Variants in PIGL observed in about 807,000 individuals in gnomAD.
PIGL encodes the protein N-acetylglucosaminyl-phosphatidylinositol de-N-acetylase.
PIGL carries 22 observed loss-of-function variants against 31.1 expected under a neutral mutation model. That is an observed-to-expected ratio of 0.71 (90% confidence interval 0.51 to 1.01). The LOEUF is 1.01. Among genes scored for constraint, PIGL ranks in the 50% least tolerant of loss-of-function variants. The pLI, the probability that PIGL is intolerant of heterozygous loss-of-function variation, is 0.00. For synonymous variants in PIGL, 131 were observed against 117.4 expected, an observed-to-expected ratio of 1.12 and a Z score of -0.75; for missense variants, 302 against 315.9, an observed-to-expected ratio of 0.96 and a Z score of 0.33.
chr17:16,290,332 C>T (rs1379846728), intron 2 of PIGL, among the ~76,000 whole-genome samples: 1 of 151,862 alleles, frequency 6.6e-6, no homozygotes, highest in Non-Finnish European at 1.5e-5. Context: ...ATCCACCCTC[C>T]TGGGATTACA....
chr17:16,245,448 G>C (rs549903316), intron 2 of PIGL, among the ~76,000 whole-genome samples: 1 of 151,762 alleles, frequency 6.6e-6, no homozygotes, highest in East Asian at 1.9e-4. Context: ...TTTTACTTAT[G>C]ATATTTTCAG....
At chr17:16,315,708 C>CTTTTTTTTTTTTTTT (rs1157169209) in intron 4 of PIGL, among the ~76,000 whole-genome samples, 5 of 58,990 alleles carry the variant, frequency 8.5e-5, no homozygotes, top group Admixed American at 2.8e-4. Context: ...TTCTTTCTTT[C>CTTTTTTTTTTTTTTT]TTTTTTTTTT....
intron 3 of PIGL, among the ~76,000 whole-genome samples, chr17:16,310,640 G>C (rs556701023): frequency 6.6e-6 from 1 of 152,026 alleles, no homozygotes; most frequent in African/African-American, 2.4e-5. Flanking sequence ...GGGTTCAGGC[G>C]ATTCTCCTGC....
chr17:16,226,387 C>T (rs2092652511), intron 1 of PIGL, among the ~76,000 whole-genome samples: 1 of 152,176 alleles, frequency 6.6e-6, no homozygotes, highest in Non-Finnish European at 1.5e-5. Flanking sequence ...TGGGCTTCCT[C>T]ACAACCTGGT....
In PIGL at chr17:16,234,124, A is replaced by T. The variant is rs1291786181; in HGVS notation, c.335+54A>T. On this transcript the variant is annotated intron_variant, in intron 2 of 6. Transcript: ENST00000225609. The stretch of plus-strand genomic sequence containing the variant: ...TTATTGGCAATAAATATGCAGTGAT[A>T]TACTCAAAAGACACACAAAAAACTA... The T allele has an allele frequency of 1.1e-5, 11 of 1,016,960 alleles. No individual in the cohort carries two copies. The East Asian group carries it at 2.6e-4, about 24-fold the overall frequency. 63.0% of individuals were successfully genotyped at this position (1,016,960 alleles called of 1,614,324 possible). A position where few individuals can be genotyped will look rare whatever the true frequency, so the allele number is the denominator to read the frequency against.
intron 2 of PIGL, among the ~76,000 whole-genome samples, chr17:16,250,525 G>C (rs1377548368): frequency 6.6e-6 from 1 of 152,058 alleles, no homozygotes; most frequent in Non-Finnish European, 1.5e-5. Context: ...ATAGCAACAC[G>C]CAACAGTCAG....
At chr17:16,219,648 A>G (rs1174265174) in intron 1 of PIGL, among the ~76,000 whole-genome samples, 2 of 152,026 alleles carry the variant, frequency 1.3e-5, no homozygotes, top group Non-Finnish European at 2.9e-5. Flanking sequence ...GTTCACTGCA[A>G]CCTACGCCTC....
chr17:16,322,192 C>G (rs9893005), intron 6 of PIGL, among the ~76,000 whole-genome samples: 64,161 of 151,862 alleles, frequency 0.42, 14,185 homozygotes, highest in East Asian at 0.75. Context: ...CTCCTGGGTT[C>G]AAGCAATTCT....
chr17:16,280,936 CT>C (rs1447733242), intron 2 of PIGL, among the ~76,000 whole-genome samples: 2 of 152,074 alleles, frequency 1.3e-5, no homozygotes, highest in African/African-American at 4.8e-5. Flanking sequence ...AACTCCTGAC[CT>C]TGTGATCCAC....
chr17:16,290,686 GA>G (rs958903048), intron 2 of PIGL, among the ~76,000 whole-genome samples: 1 of 151,926 alleles, frequency 6.6e-6, no homozygotes. Context: ...GCCCAGCCCA[GA>G]CTTTTTTGTT....
intron 3 of PIGL, among the ~76,000 whole-genome samples, chr17:16,304,702 C>T (rs2093019541): frequency 6.6e-6 from 1 of 152,158 alleles, no homozygotes; most frequent in East Asian, 1.9e-4. Context: ...GTTAAGCAGG[C>T]TAGGTCCTGG....
At chr17:16,233,518 A>G (rs1196792926) in intron 1 of PIGL, among the ~76,000 whole-genome samples, 1 of 152,012 alleles carries the variant, frequency 6.6e-6, no homozygotes, top group Admixed American at 6.6e-5. Context: ...AGCAACCTCT[A>G]TTTTCTTTTT....
At chr17:16,318,793 T>G (rs572906491) in intron 6 of PIGL, among the ~76,000 whole-genome samples, 39 of 151,918 alleles carry the variant, frequency 2.6e-4, no homozygotes, top group Non-Finnish European at 4.7e-4. Flanking sequence ...TAGCCAGGCG[T>G]GGTGGCATGC....
intron 1 of PIGL, among the ~76,000 whole-genome samples, chr17:16,229,023 C>T (rs7214301): frequency 1.3e-5 from 2 of 152,116 alleles, no homozygotes; most frequent in Non-Finnish European, 2.9e-5. Flanking sequence ...GTAATCCCAG[C>T]ACTTTGGGAG....
intron 2 of PIGL, among the ~76,000 whole-genome samples, chr17:16,289,039 C>T (rs906745588): frequency 2.0e-5 from 3 of 152,090 alleles, no homozygotes; most frequent in Non-Finnish European, 2.9e-5. Flanking sequence ...GTGCAAGGTA[C>T]AACCTTACCG....
At chr17:16,288,198 T>G (rs1284578915) in intron 2 of PIGL, among the ~76,000 whole-genome samples, 1 of 152,134 alleles carries the variant, frequency 6.6e-6, no homozygotes, top group Non-Finnish European at 1.5e-5. Flanking sequence ...CCTTCCTTCC[T>G]TCCTTTCTTT....
chr17:16,308,934 G>A (rs146575046), intron 3 of PIGL, among the ~76,000 whole-genome samples: 5 of 151,806 alleles, frequency 3.3e-5, no homozygotes, highest in South Asian at 2.1e-4. Context: ...CTACAGGCAC[G>A]TGCCACCGGG....
At chr17:16,266,660 A>T (rs912315808) in intron 2 of PIGL, among the ~76,000 whole-genome samples, 1 of 151,306 alleles carries the variant, frequency 6.6e-6, no homozygotes, top group African/African-American at 2.4e-5. Context: ...CAGTGGCGCT[A>T]TCTCGGCTCA....
At chr17:16,259,112 A>G (rs1189955025) in intron 2 of PIGL, among the ~76,000 whole-genome samples, 1 of 152,190 alleles carries the variant, frequency 6.6e-6, no homozygotes, top group Non-Finnish European at 1.5e-5. Context: ...TGCTACATCT[A>G]CTAGTTTGGT....
Sources: allele counts gnomAD v4.1 joint callset (sites outside exome capture counted in the v4.1 genomes callset), GRCh38; gene constraint gnomAD v4.1.1; transcripts MANE v1.5; gene names NCBI Gene and HGNC (gene_info 2026-07-23, HGNC 2026-07-21).